The following NFIL3 variants were observed in gnomAD, a reference collection of about 807,000 sequenced individuals.
NFIL3 encodes nuclear factor, interleukin 3 regulated.
A neutral mutation model predicts 10.0 loss-of-function variants in NFIL3; 5 were observed. That is an observed-to-expected ratio of 0.50 (90% CI 0.26 to 1.06). The LOEUF (loss-of-function observed/expected upper bound fraction) is 1.06, where lower values mean the gene tolerates loss of function less well. NFIL3 is among the 50% of genes least tolerant of loss of function. The probability of loss-of-function intolerance (pLI) is 0.13; values close to 1 mark genes in which losing one functional copy is unlikely to be tolerated. For synonymous variants in NFIL3, 202 were observed against 206.5 expected, an observed-to-expected ratio of 0.98 and a Z score of 0.19; for missense variants, 436 against 547.6, an observed-to-expected ratio of 0.80 and a Z score of 2.03.
upstream of NFIL3, among the ~76,000 whole-genome samples, chr9:91,427,535 T>C (rs1833884234): frequency 6.6e-6 from 1 of 152,224 alleles, no homozygotes. Flanking sequence ...CTTTCCACTG[T>C]AGTATGTTTA....
At chr9:91,424,367 C>G (rs576912128), upstream of NFIL3, among the ~76,000 whole-genome samples, 1 of 152,294 alleles carries the variant, frequency 6.6e-6, no homozygotes, top group South Asian at 2.1e-4. Context: ...GCCCGGACCT[C>G]GGCCTCCCCT....
At chr9:91,478,306 C>T in the NFIL3 span, among the ~76,000 whole-genome samples, 1 of 152,092 alleles carries the variant, frequency 6.6e-6, no homozygotes, top group Admixed American at 6.5e-5. Flanking sequence ...CAGGTTTGGC[C>T]TTTTCACATA....
the NFIL3 span, among the ~76,000 whole-genome samples, chr9:91,443,830 G>T: frequency 6.6e-6 from 1 of 152,188 alleles, no homozygotes; most frequent in Non-Finnish European, 1.5e-5. Flanking sequence ...ACTGCAGCTG[G>T]TCTCTTAGCG....
chr9:91,444,231 C>A, the NFIL3 span, among the ~76,000 whole-genome samples: 1 of 151,716 alleles, frequency 6.6e-6, no homozygotes, highest in Admixed American at 6.6e-5. Flanking sequence ...TTGTATTTTT[C>A]ATTTCATTGA....
the NFIL3 span, among the ~76,000 whole-genome samples, chr9:91,461,744 T>C: frequency 1.3e-5 from 2 of 152,170 alleles, no homozygotes; most frequent in Non-Finnish European, 2.9e-5. Flanking sequence ...ATTAGGACAC[T>C]TGCATTGGAT....
the NFIL3 span, among the ~76,000 whole-genome samples, chr9:91,467,187 CATATT>C: frequency 5.3e-5 from 8 of 151,610 alleles, no homozygotes; most frequent in South Asian, 2.1e-4. Flanking sequence ...TATATTATAT[CATATT>C]ATATGTATAT....
chr9:91,429,907 T>C, the NFIL3 span, among the ~76,000 whole-genome samples: 6 of 152,114 alleles, frequency 3.9e-5, no homozygotes, highest in East Asian at 1.2e-3. Flanking sequence ...ACTCAGGAAC[T>C]CTGTGGCTGT....
At chr9:91,413,644 TG>T (rs1426328897) in intron 1 of NFIL3, among the ~76,000 whole-genome samples, 1 of 152,244 alleles carries the variant, frequency 6.6e-6, no homozygotes, top group Non-Finnish European at 1.5e-5. Context: ...TTTCCTCTGT[TG>T]AAGTCTGCAC....
the NFIL3 span, among the ~76,000 whole-genome samples, chr9:91,454,522 G>T: frequency 6.6e-6 from 1 of 151,998 alleles, no homozygotes; most frequent in Non-Finnish European, 1.5e-5. Context: ...CAAAGTGATT[G>T]TCAATTTTTA....
At chr9:91,465,076 TATTG>T in the NFIL3 span, among the ~76,000 whole-genome samples, 20 of 152,280 alleles carry the variant, frequency 1.3e-4, no homozygotes, top group African/African-American at 4.3e-4. Context: ...AATGTTATTC[TATTG>T]GTATTTATCA....
At chr9:91,425,307 T>A (rs1051315474), upstream of NFIL3, among the ~76,000 whole-genome samples, 3 of 152,234 alleles carry the variant, frequency 2.0e-5, no homozygotes, top group African/African-American at 7.2e-5. Context: ...GCCAAGATTG[T>A]CTTTTCTACC....
At chr9:91,445,396 C>T in the NFIL3 span, among the ~76,000 whole-genome samples, 6 of 152,272 alleles carry the variant, frequency 3.9e-5, no homozygotes, top group Admixed American at 6.5e-5. Context: ...CCCTGAGGAC[C>T]GGGGAGTAGA....
the NFIL3 span, among the ~76,000 whole-genome samples, chr9:91,429,288 C>G: frequency 6.6e-6 from 1 of 152,206 alleles, no homozygotes; most frequent in Admixed American, 6.5e-5. Flanking sequence ...TTTCACCTCT[C>G]TGAATGTCCA....
At position 91,409,845 on chromosome 9, in the gene NFIL3, C is replaced by T; in HGVS notation, c.890G>A (p.Gly297Asp). The T allele has an allele frequency of 6.2e-7, 1 of 1,613,988 alleles. No homozygotes were observed. The highest frequency in any genetic ancestry group is 1.3e-5 in the African/African-American group (1 of 74,938). ...DGEDEQQVPK[G>D]PIHSPVELKH... ...GAGTTCAACTGGAGAATGGATGGGG[C>T]CCTTGGGGACCTGTTGCTCGTCTTC... The change falls in exon 2 of 2, where the codon GGC (glycine) becomes GAC (aspartate). Residue 297 changes from glycine to aspartate, a missense_variant. By Grantham distance (94) the Gly-to-Asp change is moderately conservative (BLOSUM62 -1). This residue lies in a region of NFIL3 where 338 missense variants were observed against 399.9 expected (regional missense o/e 0.85). Transcript: ENST00000297689.
chr9:91,417,864 T>C (rs190288606), intron 1 of NFIL3, among the ~76,000 whole-genome samples: 3 of 152,266 alleles, frequency 2.0e-5, no homozygotes, highest in African/African-American at 7.2e-5. Flanking sequence ...TAGCAACAAA[T>C]TGACCTACTT....
At chr9:91,471,100 G>C in the NFIL3 span, among the ~76,000 whole-genome samples, 2 of 152,112 alleles carry the variant, frequency 1.3e-5, no homozygotes. Context: ...TCGTTGATCT[G>C]TCTAATACTG....
In NFIL3 at chr9:91,410,323, T is replaced by C. The variant is rs773840348; in HGVS notation, c.412A>G (p.Ile138Val). 1 of 1,614,228 alleles carries C rather than the reference T, an allele frequency of 6.2e-7. No homozygotes were observed. The highest frequency in any genetic ancestry group is 8.5e-7 in the Non-Finnish European group (1 of 1,180,030). ...GCTGTAGAATTACTGAGTTTCTGAA[T>C]CTCTTGAGCATATGCTGTGGAGCTA... The part of the protein sequence containing the change: ...LISSTAYAQE[I>V]QKLSNSTAVY... The change falls in exon 2 of 2, where the codon ATT (isoleucine) becomes GTT (valine). Residue 138 changes from isoleucine (I) to valine (V), a missense_variant. This residue lies in a region of NFIL3 where 338 missense variants were observed against 399.9 expected (regional missense o/e 0.85). Coordinates refer to ENST00000297689, the MANE Select transcript of NFIL3 (RefSeq NM_005384.3). The surrounding 1 kb of genome is among the most constrained non-coding windows in gnomAD (Gnocchi z 5.7).
chr9:91,455,105 G>A, the NFIL3 span, among the ~76,000 whole-genome samples: 1 of 152,132 alleles, frequency 6.6e-6, no homozygotes, highest in Non-Finnish European at 1.5e-5. Context: ...ACGAATATGA[G>A]GGTGATGTTC....
the NFIL3 span, among the ~76,000 whole-genome samples, chr9:91,440,597 CTATT>C: frequency 2.0e-5 from 3 of 151,720 alleles, no homozygotes; most frequent in African/African-American, 7.3e-5. Flanking sequence ...TATTTTTAGA[CTATT>C]TATTTGGGAT....
Sources: allele counts gnomAD v4.1 joint callset (sites outside exome capture counted in the v4.1 genomes callset), GRCh38; gene constraint gnomAD v4.1.1; regional missense constraint gnomAD v4.1.1; non-coding constraint Gnocchi (gnomAD v3.1); transcripts MANE v1.5; gene names NCBI Gene and HGNC (gene_info 2026-07-23, HGNC 2026-07-21).